Variants in ABCA5 observed in about 807,000 individuals in gnomAD.
ABCA5 encodes the protein cholesterol transporter ABCA5.
A neutral mutation model predicts 206.0 loss-of-function variants in ABCA5; 163 were observed. The ratio of observed to expected loss-of-function variants is 0.79; its 90% CI spans 0.70 to 0.90. The LOEUF is 0.90. Ranked by LOEUF, ABCA5 falls within the 40% of genes least tolerant of loss-of-function variation. The pLI, the probability that ABCA5 is intolerant of heterozygous loss-of-function variation, is 0.00. For missense variants in ABCA5, 1,859 were observed against 1,912.9 expected (o/e 0.97, Z 0.53); for synonymous variants, 609 against 613.8 (o/e 0.99, Z 0.11).
chr17:69,306,952 C>G lies in ABCA5; in HGVS notation c.561G>C (p.Leu187Phe). ...QASIDAAIIQ[L>F]KTNVSLWKEL... ...CCTTCCAAAGAGAAACATTGGTCTT[C>G]AACTATAATTAGAAAATGTAAATAC... The change falls in exon 6 of 39, where the codon TTG becomes TTC. Residue 187 changes from leucine to phenylalanine, a missense_variant and splice_region_variant. Physicochemically the swap from Leu to Phe is conservative, Grantham distance 22 (BLOSUM62 0). Transcript: ENST00000392676. 2.0e-6 allele frequency: 3 copies of G among 1,526,448 alleles called. No homozygotes were observed. Among genetic ancestry groups the G allele is most frequent in the Non-Finnish European group, 2.6e-6 (3 of 1,139,762 alleles). The allele number at this position is 1,526,448 out of a possible 1,614,324, so 94.6% of individuals were successfully genotyped here. A position where few individuals can be genotyped will look rare whatever the true frequency, so the allele number is the denominator to read the frequency against.
chr17:69,263,986 G>A lies in ABCA5; in HGVS notation c.3315+749C>T, dbSNP rs369324455. ...GCTGGGATTATAGGCATGAGCCCCC[G>A]CGCCCAGCTTATGTAGGATTCCTTT... On this transcript the variant is annotated intron_variant, in intron 24 of 38. Transcript: ENST00000392676. Among the ~76,000 whole-genome samples the A allele has an allele frequency of 1.5e-3, 234 of 152,106 alleles. 2 individuals are homozygous for A. Among genetic ancestry groups the A allele is most frequent in the African/African-American group, 5.4e-3 (223 of 41,492 alleles).
At chr17:69,323,522 T>C (rs929521131) in intron 1 of ABCA5, among the ~76,000 whole-genome samples, 5 of 152,220 alleles carry the variant, frequency 3.3e-5, no homozygotes, top group Non-Finnish European at 7.3e-5. Flanking sequence ...TAAATGTCAT[T>C]ATTAACATTG....
intron 10 of ABCA5, among the ~76,000 whole-genome samples, chr17:69,296,494 C>T (rs2075584646): frequency 6.6e-6 from 1 of 151,740 alleles, no homozygotes; most frequent in Non-Finnish European, 1.5e-5. Flanking sequence ...TGCCTCAAAC[C>T]CTAAAAATCT....
In ABCA5 at chr17:69,302,778, T is replaced by G. The variant is rs753546590; in HGVS notation, c.1059A>C (p.Lys353Asn). 6.3e-7 allele frequency: 1 copy of G among 1,599,602 alleles called. No individual in the cohort carries two copies. Among genetic ancestry groups the G allele is most frequent in the Non-Finnish European group, 8.5e-7 (1 of 1,176,398 alleles). The stretch of plus-strand genomic sequence containing the variant: ...AAGGACTGAAAAGCCACACTAACGA[T>G]TTGGGAAAACTTTCTATGAGGATTA... ...LMIILIESFP[K>N]SLVWLFSPFC... The change falls in exon 8 of 39, where the codon AAA becomes AAC. Residue 353 changes from lysine (K) to asparagine (N), a missense_variant. Coordinates refer to ENST00000392676, the MANE Select transcript of ABCA5 (RefSeq NM_172232.4).
chr17:69,278,697 TAA>T (rs1183300632), intron 18 of ABCA5, among the ~76,000 whole-genome samples: 2 of 152,194 alleles, frequency 1.3e-5, no homozygotes, highest in African/African-American at 2.4e-5. Context: ...AAATTACAGT[TAA>T]ACATTCCAAA....
Position 69,267,938 on chromosome 17 carries a change from A to AT in ABCA5, c.3144+4dup, listed in dbSNP as rs542122221. 1.4e-3 allele frequency: 2,199 copies of AT among 1,557,212 alleles called. 3 individuals carry two copies. Among genetic ancestry groups the AT allele is most frequent in the Middle Eastern group, 6.7e-3 (39 of 5,860 alleles). On this transcript the variant is annotated splice_donor_region_variant and intron_variant, in intron 23 of 38. Coordinates refer to ENST00000392676, the MANE Select transcript of ABCA5 (RefSeq NM_172232.4). ...CAAATTATATATTTTTAACTGAGTC[A>AT]TTACCTTATGATTCTCTGCATTTTC...
At chr17:69,258,102 A>G (rs1567752209) in intron 28 of ABCA5, among the ~76,000 whole-genome samples, 1 of 152,080 alleles carries the variant, frequency 6.6e-6, no homozygotes, top group Non-Finnish European at 1.5e-5. Flanking sequence ...TAACTAGGAA[A>G]ATGTTATTCG....
chr17:69,253,817 G>T lies in ABCA5; in HGVS notation c.4297C>A (p.Leu1433Ile), dbSNP rs2075044765. Residue 1433 changes from leucine (L) to isoleucine (I), a missense_variant, in exon 33 of 39, where the codon CTA (leucine) becomes ATA (isoleucine). By Grantham distance (5) the Leu-to-Ile change is conservative. Transcript: ENST00000392676. ...KEHLQKTVKK[L>I]PAGIKRKLCF... ...ACCTTTCGTTTGATTCCTGCAGGTA[G>T]TTTCTTTACAGTCTTCTGAAGATGT... 6.2e-7 allele frequency: 1 copy of T among 1,612,744 alleles called. No individual in the cohort carries two copies. Among genetic ancestry groups the T allele is most frequent in the South Asian group, 1.1e-5 (1 of 90,946 alleles).
chr17:69,283,159 G>A (rs1057056211), intron 18 of ABCA5, among the ~76,000 whole-genome samples: 1 of 151,568 alleles, frequency 6.6e-6, no homozygotes, highest in African/African-American at 2.4e-5. Context: ...GCTAATTTTT[G>A]TGTTTTTTGT....
intron 31 of ABCA5, 53 bp downstream of exon 31, chr17:69,255,490 T>C: frequency 8.8e-7 from 1 of 1,132,270 alleles, no homozygotes; most frequent in South Asian, 2.8e-5. Context: ...AAGTTTATGT[T>C]AATTAACAAT....
intron 18 of ABCA5, among the ~76,000 whole-genome samples, chr17:69,279,018 G>A (rs2075362564): frequency 6.6e-6 from 1 of 151,140 alleles, no homozygotes; most frequent in South Asian, 2.1e-4. Context: ...TCAACATAGT[G>A]TTGGAAGTTC....
rs1425461312 is a variant in ABCA5, at chr17:69,256,276, A to T, written c.3739T>A (p.Ser1247Thr). The change falls in exon 29 of 39, where the codon TCA becomes ACA. Residue 1247 changes from serine (S) to threonine (T), a missense_variant. Transcript: ENST00000392676. ...IRKDPFFRNLSTKSKNRKLPE... is the reference protein window; with the variant it reads ...IRKDPFFRNLTTKSKNRKLPE... ...AGCTTCCTATTTTTAGACTTCGTTG[A>T]AAGGTTTCTACATATATATAATAAA... 15 of 1,590,942 alleles carry T rather than the reference A, an allele frequency of 9.4e-6. No homozygotes were observed. The highest frequency in any genetic ancestry group is 1.2e-5 in the Non-Finnish European group (14 of 1,165,144).
intron 1 of ABCA5, chr17:69,318,666 G>C: frequency 2.4e-6 from 1 of 414,952 alleles, no homozygotes; most frequent in Non-Finnish European, 4.3e-6. Flanking sequence ...AAGAATAGAA[G>C]ATACATTAAA....
At chr17:69,298,375 G>C (rs1295715399) in intron 9 of ABCA5, among the ~76,000 whole-genome samples, 1 of 150,440 alleles carries the variant, frequency 6.6e-6, no homozygotes, top group Non-Finnish European at 1.5e-5. Flanking sequence ...GCATACAGTG[G>C]TAACTGCCCA....
At chr17:69,315,782 C>A (rs369408989) in intron 1 of ABCA5, among the ~76,000 whole-genome samples, 596 of 132,138 alleles carry the variant, frequency 4.5e-3, no homozygotes, top group South Asian at 9.0e-3. Flanking sequence ...GGATCCGCCT[C>A]AAAAAAAAAA....
chr17:69,275,572 CAT>C (rs1227278985), intron 19 of ABCA5, among the ~76,000 whole-genome samples: 1 of 152,134 alleles, frequency 6.6e-6, no homozygotes, highest in Admixed American at 6.5e-5. Flanking sequence ...TATTTGGAAA[CAT>C]GAGGTTAAAC....
intron 19 of ABCA5, among the ~76,000 whole-genome samples, chr17:69,276,485 T>C (rs1471074994): frequency 6.6e-6 from 1 of 152,120 alleles, no homozygotes; most frequent in Non-Finnish European, 1.5e-5. Context: ...TAAAAAAGGA[T>C]GAGTTCATGT....
At chr17:69,282,980 C>CTTTTTTTT (rs1048269473) in intron 18 of ABCA5, among the ~76,000 whole-genome samples, 1 of 112,980 alleles carries the variant, frequency 8.9e-6, no homozygotes, top group African/African-American at 3.3e-5. Context: ...TGTTCTTTCC[C>CTTTTTTTT]TTTTTTTTTT....
At chr17:69,277,514 C>T in intron 19 of ABCA5, 127 bp downstream of exon 19, 1 of 680,260 alleles carries the variant, frequency 1.5e-6, no homozygotes, top group Non-Finnish European at 2.3e-6. Context: ...TGTGAAATTA[C>T]AGTGGTAATC....
Sources: allele counts gnomAD v4.1 joint callset (sites outside exome capture counted in the v4.1 genomes callset), GRCh38; gene constraint gnomAD v4.1.1; transcripts MANE v1.5; gene names NCBI Gene and HGNC (gene_info 2026-07-23, HGNC 2026-07-21).